Variants in MYO1E observed in about 807,000 individuals in gnomAD.
The protein encoded by MYO1E is unconventional myosin-Ie.
A neutral mutation model predicts 151.1 loss-of-function variants in MYO1E; 68 were observed. That is an observed-to-expected ratio of 0.45 (90% CI 0.37 to 0.55). The LOEUF is 0.55. Ranked by LOEUF, MYO1E falls within the 20% of genes least tolerant of loss-of-function variation. The pLI, the probability that MYO1E is intolerant of heterozygous loss-of-function variation, is 0.00. For synonymous variants in MYO1E, 601 were observed against 501.7 expected, an observed-to-expected ratio of 1.20 and a Z score of -2.64; for missense variants, 1,363 against 1,389.3, an observed-to-expected ratio of 0.98 and a Z score of 0.30.
intron 1 of MYO1E, among the ~76,000 whole-genome samples, chr15:59,352,063 G>A (rs183000145): frequency 3.6e-4 from 55 of 152,208 alleles, no homozygotes; most frequent in Non-Finnish European, 5.1e-4. Context: ...AGCATGGACA[G>A]CAGCCGTGGA....
chr15:59,224,629 G>C, intron 8 of MYO1E, 60 bp downstream of exon 8: 1 of 1,609,042 alleles, frequency 6.2e-7, no homozygotes, highest in Non-Finnish European at 8.5e-7. Context: ...CTGCCCTTTT[G>C]GCCACAGGAA....
intron 1 of MYO1E, among the ~76,000 whole-genome samples, chr15:59,280,852 A>G (rs1313365984): frequency 6.6e-6 from 1 of 152,124 alleles, no homozygotes; most frequent in Non-Finnish European, 1.5e-5. Flanking sequence ...AATTTTGATT[A>G]CTCTGGAAGC....
intron 4 of MYO1E, among the ~76,000 whole-genome samples, chr15:59,244,579 T>C (rs1238767889): frequency 6.6e-6 from 1 of 152,178 alleles, no homozygotes; most frequent in Non-Finnish European, 1.5e-5. Flanking sequence ...CTGAAAGTGG[T>C]AATGGATTAT....
intron 1 of MYO1E, among the ~76,000 whole-genome samples, chr15:59,353,979 A>T (rs1266667592): frequency 6.6e-6 from 1 of 152,190 alleles, no homozygotes; most frequent in East Asian, 1.9e-4. Context: ...AAAAATGTGC[A>T]TATTTTATTT....
Position 59,176,318 on chromosome 15 carries a change from C to A in MYO1E, c.2049+2075G>T, listed in dbSNP as rs191779600. Among the ~76,000 whole-genome samples, 40 of 152,272 alleles carry A rather than the reference C, an allele frequency of 2.6e-4. No homozygotes were observed. The East Asian group carries it at 5.8e-3, about 22-fold the overall frequency. On this transcript the variant is annotated intron_variant, in intron 19 of 27. Coordinates refer to ENST00000288235, the MANE Select transcript of MYO1E (RefSeq NM_004998.4). ...CTCGTGATCTGCCGGCCTCAGCCCC[C>A]CAAAGTGCTGGGATTACAGGCGTGA...
chr15:59,258,309 T>C (rs1360634820), intron 3 of MYO1E, among the ~76,000 whole-genome samples: 1 of 152,210 alleles, frequency 6.6e-6, no homozygotes, highest in African/African-American at 2.4e-5. Flanking sequence ...ATTGCAGTAT[T>C]GCACTCCAGT....
At chr15:59,252,507 G>T (rs2080170853) in intron 4 of MYO1E, among the ~76,000 whole-genome samples, 1 of 152,202 alleles carries the variant, frequency 6.6e-6, no homozygotes, top group Non-Finnish European at 1.5e-5. Context: ...CTGAGGTCAG[G>T]AGTTTGAGAC....
rs1348860755 is a variant in MYO1E at position 59,300,445 on chromosome 15, A to ACC, written c.4-27998_4-27997dup. On this transcript the variant is annotated intron_variant, in intron 1 of 27. Transcript: ENST00000288235. ...GCAAAGATACTTCTAGAGGCTTAGA[A>ACC]CCACTGGACACTCCCACAAACATCT... Among the ~76,000 whole-genome samples the ACC allele has an allele frequency of 9.2e-5, 14 of 152,160 alleles. No individual in the cohort carries two copies. In the South Asian group the frequency reaches 2.9e-3, roughly 32 times the overall value.
intron 1 of MYO1E, among the ~76,000 whole-genome samples, chr15:59,337,169 T>A (rs2080734354): frequency 6.6e-6 from 1 of 152,184 alleles, no homozygotes; most frequent in South Asian, 2.1e-4. Flanking sequence ...AATATTTCCG[T>A]TTTACAGATG....
At chr15:59,216,125 G>A (rs2079912655) in intron 10 of MYO1E, among the ~76,000 whole-genome samples, 1 of 152,056 alleles carries the variant, frequency 6.6e-6, no homozygotes, top group Non-Finnish European at 1.5e-5. Flanking sequence ...GTTAGTGCCT[G>A]GAATCAAATA....
chr15:59,210,848 C>T (rs865949938), intron 12 of MYO1E, among the ~76,000 whole-genome samples: 1 of 152,054 alleles, frequency 6.6e-6, no homozygotes, highest in African/African-American at 2.4e-5. Context: ...CCAAAGAAAA[C>T]TACAATTTAG....
intron 4 of MYO1E, among the ~76,000 whole-genome samples, chr15:59,252,972 G>A (rs2080173914): frequency 6.6e-6 from 1 of 152,194 alleles, no homozygotes; most frequent in Admixed American, 6.5e-5. Flanking sequence ...TACAAGATGA[G>A]CTAGAAGATC....
intron 1 of MYO1E, among the ~76,000 whole-genome samples, chr15:59,362,401 T>G (rs1242135579): frequency 2.6e-5 from 4 of 152,230 alleles, no homozygotes; most frequent in Non-Finnish European, 5.9e-5. Context: ...GTTCTCGTGA[T>G]CTGCGGAATG....
chr15:59,239,315 C>T (rs998491799), intron 4 of MYO1E, among the ~76,000 whole-genome samples: 1 of 150,914 alleles, frequency 6.6e-6, no homozygotes, highest in Non-Finnish European at 1.5e-5. Flanking sequence ...CAATAATCAC[C>T]ACTGATCAAT....
intron 17 of MYO1E, 69 bp downstream of exon 17, chr15:59,195,392 T>C: frequency 1.5e-6 from 2 of 1,352,400 alleles, no homozygotes; most frequent in South Asian, 2.3e-5. Context: ...CTGCCTGTGA[T>C]GGAGGACGGC....
At chr15:59,186,868 G>A (rs916986418) in intron 18 of MYO1E, among the ~76,000 whole-genome samples, 4 of 152,166 alleles carry the variant, frequency 2.6e-5, no homozygotes, top group African/African-American at 9.7e-5. Context: ...AGAAGTTAGA[G>A]TGATGTAACA....
At chr15:59,151,154 C>G (rs770907976) in intron 26 of MYO1E, among the ~76,000 whole-genome samples, 1 of 151,916 alleles carries the variant, frequency 6.6e-6, no homozygotes, top group Admixed American at 6.6e-5. Flanking sequence ...CAGCTGGGCG[C>G]GGTGGCTCAC....
intron 26 of MYO1E, among the ~76,000 whole-genome samples, chr15:59,147,895 C>A (rs1307511016): frequency 2.6e-5 from 4 of 152,092 alleles, no homozygotes; most frequent in African/African-American, 9.7e-5. Context: ...ATGCCTGAAG[C>A]GTAGACCTTC....
chr15:59,358,217 A>G (rs2080865640), intron 1 of MYO1E, among the ~76,000 whole-genome samples: 1 of 151,950 alleles, frequency 6.6e-6, no homozygotes, highest in Admixed American at 6.6e-5. Context: ...AGCCTTAGGG[A>G]AGAGGAGGAG....
Sources: allele counts gnomAD v4.1 joint callset (sites outside exome capture counted in the v4.1 genomes callset), GRCh38; gene constraint gnomAD v4.1.1; transcripts MANE v1.5; gene names NCBI Gene and HGNC (gene_info 2026-07-23, HGNC 2026-07-21).